DISC1: variants seen among roughly 807,000 people sequenced by gnomAD.
DISC1 encodes the protein DISC1 scaffold protein, also known as disrupted in schizophrenia 1 protein.
Under a neutral mutation model 84.5 loss-of-function variants are expected in DISC1, and 57 were observed. The observed-to-expected ratio is 0.67, with a 90% CI of 0.55 to 0.84. DISC1 has a LOEUF of 0.84. Ranked by LOEUF, DISC1 falls within the 40% of genes least tolerant of loss-of-function variation. DISC1 has a pLI of 0.00. For missense variants in DISC1, 1,000 were observed against 1,057.8 expected (o/e 0.95, Z 0.76); for synonymous variants, 411 against 415.2 (o/e 0.99, Z 0.12).
At chr1:231,821,130 T>C (rs1389963885) in intron 9 of DISC1, among the ~76,000 whole-genome samples, 1 of 152,196 alleles carries the variant, frequency 6.6e-6, no homozygotes, top group Non-Finnish European at 1.5e-5. Flanking sequence ...TTTAAAATAG[T>C]AAATATACTA....
At chr1:231,900,628 A>G (rs2088097966) in intron 9 of DISC1, among the ~76,000 whole-genome samples, 1 of 152,204 alleles carries the variant, frequency 6.6e-6, no homozygotes, top group African/African-American at 2.4e-5. Flanking sequence ...AAGAGAATCA[A>G]TGGCTTGTTT....
rs372207112 is a variant in DISC1, at chr1:232,039,583, A to G, written c.*2752A>G. ...TCATTCAGAAAGTCCGCTAAGGGCC[A>G]GCGTGCTTCTTCTGGCTACACAACC... On this transcript the variant is annotated 3_prime_UTR_variant, in exon 13 of 13. Coordinates refer to ENST00000439617, the MANE Select transcript of DISC1 (RefSeq NM_018662.3). The G allele has an allele frequency of 2.6e-5, 4 of 152,244 alleles. No homozygotes were observed. In the East Asian group the frequency reaches 7.8e-4, roughly 30 times the overall value. The allele number at this position is 152,244 out of a possible 1,614,324, so 9.4% of individuals were successfully genotyped here.
chr1:231,693,689 G>A (rs1572929818), intron 1 of DISC1, 137 bp from the exon 2 acceptor site: 1 of 1,335,314 alleles, frequency 7.5e-7, no homozygotes, highest in Non-Finnish European at 1.0e-6. Flanking sequence ...TTGGCCCTGG[G>A]ACCACTGAGC....
intron 9 of DISC1, among the ~76,000 whole-genome samples, chr1:231,860,649 T>C (rs1443097353): frequency 1.3e-5 from 2 of 152,174 alleles, no homozygotes; most frequent in Non-Finnish European, 2.9e-5. Flanking sequence ...CCTGGCTCCA[T>C]GTCATAATAT....
intron 4 of DISC1, among the ~76,000 whole-genome samples, chr1:231,751,094 A>G (rs1394762921): frequency 6.6e-6 from 1 of 152,160 alleles, no homozygotes; most frequent in Non-Finnish European, 1.5e-5. Context: ...GAACTTTTTC[A>G]TGGTTCTCCT....
chr1:232,007,284 T>C (rs940417503), intron 10 of DISC1, among the ~76,000 whole-genome samples: 2 of 152,112 alleles, frequency 1.3e-5, no homozygotes, highest in Admixed American at 6.5e-5. Flanking sequence ...GATCCACTGA[T>C]AGCTTGCACC....
At chr1:231,795,929 AAATT>A (rs1573883795) in intron 7 of DISC1, among the ~76,000 whole-genome samples, 2 of 152,228 alleles carry the variant, frequency 1.3e-5, no homozygotes, top group East Asian at 3.9e-4. Flanking sequence ...GTAATTTGAG[AAATT>A]AATTACTTTT....
intron 9 of DISC1, among the ~76,000 whole-genome samples, chr1:231,934,821 C>T (rs2090881025): frequency 6.6e-6 from 1 of 152,184 alleles, no homozygotes; most frequent in African/African-American, 2.4e-5. Flanking sequence ...TGATGGAGGG[C>T]ATCCCAGTCC....
chr1:231,784,887 A>G (rs953760531), intron 6 of DISC1, among the ~76,000 whole-genome samples: 2 of 152,174 alleles, frequency 1.3e-5, no homozygotes. Flanking sequence ...CCAGAAGTAA[A>G]GGTCTCAGAT....
At chr1:231,732,324 C>G (rs1439037934) in intron 3 of DISC1, among the ~76,000 whole-genome samples, 1 of 152,166 alleles carries the variant, frequency 6.6e-6, no homozygotes, top group African/African-American at 2.4e-5. Flanking sequence ...GTCACAGAGA[C>G]AAGAAGTGCC....
At chr1:231,910,558 G>T (rs1237630457) in intron 9 of DISC1, among the ~76,000 whole-genome samples, 1 of 152,164 alleles carries the variant, frequency 6.6e-6, no homozygotes, top group Non-Finnish European at 1.5e-5. Context: ...TATGATTTCT[G>T]TTCTTTTACA....
chr1:232,040,173 G>T lies in DISC1; in HGVS notation c.*3342G>T, dbSNP rs978640508. The T allele has an allele frequency of 3.3e-5, 5 of 152,004 alleles. No individual in the cohort carries two copies. Among genetic ancestry groups the T allele is most frequent in the African/African-American group, 1.2e-4 (5 of 41,360 alleles). 9.4% of individuals were successfully genotyped at this position (152,004 alleles called of 1,614,324 possible). On this transcript the variant is annotated 3_prime_UTR_variant, in exon 13 of 13. Transcript: ENST00000439617. Reference sequence around the variant, plus strand: ...GGCCCTGATGATTTTTGTATTTTTAGTAGAGACAGGGCTTCACCATGTTGG... The same window carrying T: ...GGCCCTGATGATTTTTGTATTTTTATTAGAGACAGGGCTTCACCATGTTGG...
At chr1:231,841,807 G>A (rs1317728659) in intron 9 of DISC1, among the ~76,000 whole-genome samples, 1 of 104,978 alleles carries the variant, frequency 9.5e-6, no homozygotes, top group Non-Finnish European at 2.2e-5. Flanking sequence ...ATTAATAACT[G>A]TTAATCAACT....
chr1:231,822,476 G>A (rs1186880728), intron 9 of DISC1, among the ~76,000 whole-genome samples: 1 of 152,204 alleles, frequency 6.6e-6, no homozygotes, highest in Non-Finnish European at 1.5e-5. Context: ...AGGGGCAGTT[G>A]AAGGGCAATG....
chr1:231,805,040 T>A (rs2079590947), intron 8 of DISC1, among the ~76,000 whole-genome samples: 1 of 152,172 alleles, frequency 6.6e-6, no homozygotes, highest in South Asian at 2.1e-4. Context: ...AATTATTGAT[T>A]TTTGGAAGAA....
intron 11 of DISC1, among the ~76,000 whole-genome samples, chr1:232,010,615 GA>G (rs1184604222): frequency 2.0e-5 from 3 of 152,136 alleles, no homozygotes; most frequent in Admixed American, 6.5e-5. Flanking sequence ...AGTAACAAGA[GA>G]AAAATGTACA....
rs190106022 is a variant in DISC1 at position 231,670,332 on chromosome 1, C to T, written c.68-23494C>T. On this transcript the variant is annotated intron_variant, in intron 1 of 12. Transcript: ENST00000439617. ...CCATGACACAAGTTTACCTACATGC[C>T]CCTGAACTTAAAAGTTAAAAAAACA... 4.4e-4 allele frequency among the ~76,000 whole-genome samples: 67 copies of T among 152,076 alleles called. 1 individual carries two copies. In the Middle Eastern group the frequency reaches 0.014, roughly 31 times the overall value.
chr1:231,881,790 A>G (rs2086309983), intron 9 of DISC1, among the ~76,000 whole-genome samples: 1 of 152,130 alleles, frequency 6.6e-6, no homozygotes, highest in Non-Finnish European at 1.5e-5. Flanking sequence ...TTCTCATCAC[A>G]CGAGGCTTCT....
At chr1:231,828,475 A>G (rs1467970765) in intron 9 of DISC1, among the ~76,000 whole-genome samples, 2 of 152,160 alleles carry the variant, frequency 1.3e-5, no homozygotes, top group African/African-American at 2.4e-5. Flanking sequence ...GTGGTCTGGA[A>G]TCCTGCAAAT....
Sources: gnomAD v4.1 joint callset for allele counts (sites outside exome capture counted in the v4.1 genomes callset) on GRCh38, gnomAD v4.1.1 for gene constraint, MANE v1.5 for transcripts, NCBI Gene and HGNC (gene_info 2026-07-23, HGNC 2026-07-21) for gene names.